The following AP3B1 variants were observed in gnomAD, a reference collection of about 807,000 sequenced individuals.
The protein encoded by AP3B1 is adaptor related protein complex 3 subunit beta 1, also known as AP-3 complex subunit beta-1.
AP3B1 carries 61 observed loss-of-function variants against 132.5 expected under a neutral mutation model. The observed-to-expected ratio is 0.46, with a 90% CI of 0.37 to 0.57. The LOEUF (loss-of-function observed/expected upper bound fraction) is 0.57, where lower values mean the gene tolerates loss of function less well. AP3B1 is among the 20% of genes least tolerant of loss of function. AP3B1 has a pLI of 0.00. For synonymous variants in AP3B1, 388 were observed against 438.3 expected (o/e 0.89, Z 1.43); for missense variants, 1,120 against 1,289.4 (o/e 0.87, Z 2.01).
chr5:78,244,219 C>A (rs905982622), intron 2 of AP3B1, among the ~76,000 whole-genome samples: 6 of 152,038 alleles, frequency 3.9e-5, no homozygotes, highest in Non-Finnish European at 7.4e-5. Flanking sequence ...CATGCTGAAA[C>A]CCTGTCTCTA....
At chr5:78,013,595 A>G (rs898993998) in intron 26 of AP3B1, among the ~76,000 whole-genome samples, 8 of 152,216 alleles carry the variant, frequency 5.3e-5, no homozygotes, top group Non-Finnish European at 8.8e-5. Flanking sequence ...AGTAAATTCA[A>G]TAATTCCAAG....
At chr5:78,168,408 G>A (rs537796681) in intron 11 of AP3B1, among the ~76,000 whole-genome samples, 2 of 151,470 alleles carry the variant, frequency 1.3e-5, no homozygotes, top group South Asian at 4.2e-4. Flanking sequence ...TTTTTTTGTA[G>A]GGACGGAGTC....
At chr5:78,248,101 A>G (rs1395768171) in intron 2 of AP3B1, among the ~76,000 whole-genome samples, 1 of 152,198 alleles carries the variant, frequency 6.6e-6, no homozygotes, top group African/African-American at 2.4e-5. Flanking sequence ...GGATTATCAG[A>G]TACATAGGTA....
chr5:78,002,906 C>A lies in AP3B1; in HGVS notation c.3281G>T (p.Gly1094Val). The change falls in exon 27 of 27, where the codon GGG becomes GTG. Residue 1094 changes from glycine to valine, a missense_variant. Gly to Val is a moderately radical substitution (Grantham distance 109). This residue lies in a region of AP3B1 where 906 missense variants were observed against 997.1 expected (regional missense o/e 0.91). Transcript: ENST00000255194. ...TAAAGTCCAGATGTAAGCAGGTTAC[C>A]CCTGAGACAGGACAGGCTTCAGTTC... ...LRELKPVLSQG is the reference protein window; with the variant it reads ...LRELKPVLSQV 1 of 1,614,080 alleles carries A rather than the reference C, an allele frequency of 6.2e-7. No individual in the cohort carries two copies. The highest frequency in any genetic ancestry group is 8.5e-7 in the Non-Finnish European group (1 of 1,180,028).
At chr5:78,120,698 C>T (rs867521394) in intron 17 of AP3B1, among the ~76,000 whole-genome samples, 8 of 152,036 alleles carry the variant, frequency 5.3e-5, no homozygotes, top group South Asian at 2.1e-4. Context: ...TAAAGCAAGT[C>T]CTGAGTGACC....
At chr5:78,294,382 C>T (rs1749662251) in intron 1 of AP3B1, 70 bp downstream of exon 1, 3 of 1,609,560 alleles carry the variant, frequency 1.9e-6, no homozygotes, top group Admixed American at 1.7e-5. Flanking sequence ...AGGAAGCCCA[C>T]CCTGGCGCCC....
At chr5:78,056,378 T>C (rs1442154601) in intron 22 of AP3B1, among the ~76,000 whole-genome samples, 1 of 152,206 alleles carries the variant, frequency 6.6e-6, no homozygotes, top group African/African-American at 2.4e-5. Flanking sequence ...TATGTGAAAC[T>C]GATTTTTAAA....
At chr5:78,166,520 A>T (rs1300241935) in intron 11 of AP3B1, among the ~76,000 whole-genome samples, 1 of 152,148 alleles carries the variant, frequency 6.6e-6, no homozygotes, top group African/African-American at 2.4e-5. Flanking sequence ...TCTCTTCTGG[A>T]TTTATAGATA....
chr5:78,251,114 G>T (rs941071462), intron 2 of AP3B1, among the ~76,000 whole-genome samples: 1 of 152,032 alleles, frequency 6.6e-6, no homozygotes, highest in African/African-American at 2.4e-5. Flanking sequence ...GAATCAAAGG[G>T]TTCATTAGTA....
chr5:78,023,899 C>T (rs1260730910), intron 24 of AP3B1, among the ~76,000 whole-genome samples: 2 of 152,100 alleles, frequency 1.3e-5, no homozygotes, highest in East Asian at 3.9e-4. Context: ...AAAGGAATAA[C>T]ACCTAAAGAA....
At chr5:78,171,186 C>G (rs553492803) in intron 11 of AP3B1, among the ~76,000 whole-genome samples, 8 of 152,228 alleles carry the variant, frequency 5.3e-5, no homozygotes, top group Admixed American at 4.6e-4. Context: ...CAGCTTTGTT[C>G]TTTTTGCTTA....
intron 11 of AP3B1, among the ~76,000 whole-genome samples, chr5:78,172,474 G>A (rs536194742): frequency 7.2e-4 from 109 of 152,302 alleles, no homozygotes; most frequent in African/African-American, 2.4e-3. Context: ...GAGTGTGTAC[G>A]TGTCCAGGAA....
At chr5:78,034,042 GAATTTTCTCATA>G (rs1349818157) in intron 24 of AP3B1, among the ~76,000 whole-genome samples, 1 of 151,770 alleles carries the variant, frequency 6.6e-6, no homozygotes, top group African/African-American at 2.4e-5. Flanking sequence ...TTTTCCTCAT[GAATTTTCTCATA>G]AATTTTCTAA....
In AP3B1 at chr5:78,034,351, T is replaced by C. The variant is rs752764966; in HGVS notation, c.2894+10A>G. ...GGTTATATAAAAAATAGAAGAACAA[T>C]TGAACTTACCACAACTGGAAACTGG... On this transcript the variant is annotated intron_variant, in intron 24 of 26. Transcript: ENST00000255194. 4.4e-6 allele frequency: 7 copies of C among 1,602,386 alleles called. No individual in the cohort carries two copies. The highest frequency in any genetic ancestry group is 2.2e-5 in the East Asian group (1 of 44,740).
chr5:78,188,385 A>G (rs1421091888), intron 7 of AP3B1, among the ~76,000 whole-genome samples: 1 of 152,218 alleles, frequency 6.6e-6, no homozygotes, highest in Non-Finnish European at 1.5e-5. Context: ...GCAAATTTAC[A>G]AGAAACTAAC....
At chr5:78,023,689 A>G (rs1349716141) in intron 24 of AP3B1, among the ~76,000 whole-genome samples, 1 of 152,204 alleles carries the variant, frequency 6.6e-6, no homozygotes, top group Non-Finnish European at 1.5e-5. Flanking sequence ...CTGGAGGAAG[A>G]GTGGTCAGGA....
intron 24 of AP3B1, among the ~76,000 whole-genome samples, chr5:78,030,351 T>C (rs551554437): frequency 6.6e-6 from 1 of 152,208 alleles, no homozygotes; most frequent in Non-Finnish European, 1.5e-5. Flanking sequence ...CTTTGAGTAA[T>C]CCTTTCAGAA....
At chr5:78,240,096 T>C (rs1191613552) in intron 3 of AP3B1, among the ~76,000 whole-genome samples, 1 of 152,202 alleles carries the variant, frequency 6.6e-6, no homozygotes, top group Non-Finnish European at 1.5e-5. Flanking sequence ...CAAGAATGCT[T>C]GTGCACTTTC....
intron 14 of AP3B1, 90 bp downstream of exon 14, chr5:78,156,168 T>C: frequency 1.1e-6 from 1 of 928,570 alleles, no homozygotes; most frequent in South Asian, 1.3e-5. Flanking sequence ...TCAGCTCTCC[T>C]AACCATTACC....
Sources: gnomAD v4.1 joint callset for allele counts (sites outside exome capture counted in the v4.1 genomes callset) on GRCh38, gnomAD v4.1.1 for gene constraint, gnomAD v4.1.1 regional missense constraint, MANE v1.5 for transcripts, NCBI Gene and HGNC (gene_info 2026-07-23, HGNC 2026-07-21) for gene names.